The following ERCC6L2 variants were observed in gnomAD, a reference collection of about 807,000 sequenced individuals.
The protein encoded by ERCC6L2 is ERCC excision repair 6 like 2, also known as DNA excision repair protein ERCC-6-like 2.
Under a neutral mutation model 132.0 loss-of-function variants are expected in ERCC6L2, and 77 were observed. That is an observed-to-expected ratio of 0.58 (90% confidence interval 0.49 to 0.71). The LOEUF (loss-of-function observed/expected upper bound fraction) is 0.71, where lower values mean the gene tolerates loss of function less well. Ranked by LOEUF, ERCC6L2 falls within the 30% of genes least tolerant of loss-of-function variation. The pLI is 0.00. For missense variants in ERCC6L2, 1,542 were observed against 1,837.6 expected (o/e 0.84, Z 2.94); for synonymous variants, 583 against 632.4 (o/e 0.92, Z 1.17).
At chr9:95,883,003 C>G (rs1229193741) in intron 2 of ERCC6L2, among the ~76,000 whole-genome samples, 1 of 152,114 alleles carries the variant, frequency 6.6e-6, no homozygotes, top group Non-Finnish European at 1.5e-5. Flanking sequence ...TGTTTGTTTG[C>G]TTGTTTTTGG....
intron 9 of ERCC6L2, among the ~76,000 whole-genome samples, chr9:95,927,268 AT>A (rs751538538): frequency 3.3e-5 from 5 of 151,866 alleles, no homozygotes; most frequent in African/African-American, 9.7e-5. Context: ...TATATTGAGT[AT>A]TTTTTTTATT....
At chr9:95,933,594 C>T (rs1156624790) in intron 11 of ERCC6L2, among the ~76,000 whole-genome samples, 1 of 152,130 alleles carries the variant, frequency 6.6e-6, no homozygotes, top group African/African-American at 2.4e-5. Context: ...CGTGTATTCC[C>T]AGCACTTTGG....
intron 3 of ERCC6L2, among the ~76,000 whole-genome samples, chr9:95,898,644 A>G (rs1216434416): frequency 6.6e-6 from 1 of 152,186 alleles, no homozygotes; most frequent in African/African-American, 2.4e-5. Flanking sequence ...ATGTCTTTTA[A>G]AAAATATTAT....
intron 2 of ERCC6L2, among the ~76,000 whole-genome samples, chr9:95,894,785 G>A (rs1314292021): frequency 2.0e-5 from 3 of 151,802 alleles, no homozygotes; most frequent in Admixed American, 2.0e-4. Context: ...TAGTAGAAAC[G>A]GGATTTCACC....
At position 96,008,159 on chromosome 9, in the gene ERCC6L2, C is replaced by G. The variant is rs191404757; in HGVS notation, c.3674+3458C>G. Among the ~76,000 whole-genome samples the G allele has an allele frequency of 1.5e-3, 234 of 152,220 alleles. 1 individual carries two copies. The highest frequency in any genetic ancestry group is 2.5e-3 in the Non-Finnish European group (169 of 68,002). On this transcript the variant is annotated intron_variant, in intron 18 of 18. Transcript: ENST00000653738. The stretch of plus-strand genomic sequence containing the variant: ...AGACTGACCATATACCTTTTTTTCC[C>G]TAAGTTTGCATGCGTTCTCTGTTCT...
intron 17 of ERCC6L2, among the ~76,000 whole-genome samples, chr9:95,985,914 A>C (rs977010460): frequency 6.6e-6 from 1 of 152,242 alleles, no homozygotes; most frequent in Non-Finnish European, 1.5e-5. Context: ...AGGGATACGA[A>C]GATGAACAAA....
chr9:95,944,675 GT>G (rs5899277), intron 12 of ERCC6L2, among the ~76,000 whole-genome samples: 89,686 of 151,646 alleles, frequency 0.59, 26,757 homozygotes, highest in East Asian at 0.79. Context: ...TTTTACATAG[GT>G]TTTTTTTCTA....
At chr9:96,026,126 T>C (rs1418423352) in intron 19 of ERCC6L2, 1 of 152,250 alleles carries the variant, frequency 6.6e-6, no homozygotes, top group East Asian at 1.9e-4. Context: ...TGGACTCAAA[T>C]CTCCGAGATG....
chr9:96,006,572 TTACA>T (rs1833871955), intron 18 of ERCC6L2, among the ~76,000 whole-genome samples: 4 of 152,302 alleles, frequency 2.6e-5, no homozygotes, highest in African/African-American at 9.6e-5. Flanking sequence ...ATTGTGGGTC[TTACA>T]GTTGAGATAA....
intron 7 of ERCC6L2, 60 bp downstream of exon 7, chr9:95,921,375 T>C: frequency 7.3e-7 from 1 of 1,370,280 alleles, no homozygotes; most frequent in Non-Finnish European, 9.9e-7. Flanking sequence ...TCTCTTCTAG[T>C]GTAAAAGAAA....
chr9:96,007,064 T>C (rs1833886872), intron 18 of ERCC6L2, among the ~76,000 whole-genome samples: 1 of 152,138 alleles, frequency 6.6e-6, no homozygotes, highest in Non-Finnish European at 1.5e-5. Flanking sequence ...AGAATGTTTG[T>C]AAAGGAGTGA....
At chr9:95,943,287 T>A (rs1830890807) in intron 12 of ERCC6L2, among the ~76,000 whole-genome samples, 1 of 152,166 alleles carries the variant, frequency 6.6e-6, no homozygotes, top group Non-Finnish European at 1.5e-5. Flanking sequence ...TAAAGTTGTC[T>A]TAGAATTGTT....
rs912240845 is a variant in ERCC6L2 at position 95,875,972 on chromosome 9, A to G, written c.-67A>G. The stretch of plus-strand genomic sequence containing the variant: ...GCCGCCATTGGCCTGCCGGCCAGCC[A>G]CCTTGCTGTCCTCCGCCGCCTTCCG... On this transcript the variant is annotated 5_prime_UTR_variant, in exon 1 of 19. Transcript: ENST00000653738. 3.9e-6 allele frequency: 6 copies of G among 1,531,518 alleles called. No homozygotes were observed. Among genetic ancestry groups the G allele is most frequent in the Non-Finnish European group, 5.3e-6 (6 of 1,133,752 alleles). The allele number at this position is 1,531,518 out of a possible 1,614,324, so 94.9% of individuals were successfully genotyped here.
intron 13 of ERCC6L2, among the ~76,000 whole-genome samples, chr9:95,965,899 A>G (rs2133049875): frequency 6.6e-6 from 1 of 152,354 alleles, no homozygotes; most frequent in South Asian, 2.1e-4. Context: ...AAGGAATTTT[A>G]AAGTACACAT....
intron 19 of ERCC6L2, among the ~76,000 whole-genome samples, chr9:96,034,844 G>A (rs1834501857): frequency 6.6e-6 from 1 of 151,988 alleles, no homozygotes; most frequent in African/African-American, 2.4e-5. Flanking sequence ...CCAGGAGCAG[G>A]CAGGATCTGC....
intron 19 of ERCC6L2, among the ~76,000 whole-genome samples, chr9:96,034,820 G>A (rs1834501559): frequency 6.6e-6 from 1 of 152,054 alleles, no homozygotes; most frequent in African/African-American, 2.4e-5. Flanking sequence ...GCCTCTCTGT[G>A]CTCTTGGAGG....
At chr9:95,892,299 G>T (rs1462709121) in intron 2 of ERCC6L2, among the ~76,000 whole-genome samples, 1 of 150,790 alleles carries the variant, frequency 6.6e-6, no homozygotes, top group East Asian at 2.0e-4. Flanking sequence ...TAGGGAGAAG[G>T]ATTTTTGGGT....
At chr9:95,985,827 C>A (rs759203875) in intron 17 of ERCC6L2, among the ~76,000 whole-genome samples, 2 of 152,108 alleles carry the variant, frequency 1.3e-5, no homozygotes, top group Non-Finnish European at 2.9e-5. Flanking sequence ...ACATACCAAC[C>A]ACAGAGTATG....
chr9:95,879,761 T>A (rs1827491041), intron 1 of ERCC6L2, among the ~76,000 whole-genome samples: 2 of 152,220 alleles, frequency 1.3e-5, no homozygotes, highest in South Asian at 4.1e-4. Context: ...TTGCTTTAGA[T>A]AGTATAAACA....
Sources: allele counts gnomAD v4.1 joint callset (sites outside exome capture counted in the v4.1 genomes callset), GRCh38; gene constraint gnomAD v4.1.1; transcripts MANE v1.5; gene names NCBI Gene and HGNC (gene_info 2026-07-23, HGNC 2026-07-21).